Variants in ANKRD36 observed in about 807,000 individuals in gnomAD.
The protein encoded by ANKRD36 is ankyrin repeat domain 36, also known as ankyrin repeat domain-containing protein 36A.
Under a neutral mutation model 278.1 loss-of-function variants are expected in ANKRD36, and 179 were observed. The ratio of observed to expected loss-of-function variants is 0.64; its 90% confidence interval spans 0.57 to 0.73. ANKRD36 has a LOEUF of 0.73. ANKRD36 is among the 30% of genes least tolerant of loss of function. The probability of loss-of-function intolerance (pLI) is 0.00; values close to 1 mark genes in which losing one functional copy is unlikely to be tolerated. For missense variants in ANKRD36, 1,159 were observed against 1,956.7 expected, an observed-to-expected ratio of 0.59 and a Z score of 7.69; for synonymous variants, 320 against 641.1, an observed-to-expected ratio of 0.50 and a Z score of 7.57.
At chr2:97,189,436 T>C in intron 34 of ANKRD36, 146 bp downstream of exon 34, 1 of 424,208 alleles carries the variant, frequency 2.4e-6, no homozygotes, top group South Asian at 1.9e-5. Flanking sequence ...TCATTTGTAA[T>C]AAATTCCTGG....
In ANKRD36 at chr2:97,204,114, T is replaced by C. The variant is rs1444361739; in HGVS notation, c.2988+18T>C. 1.3e-6 allele frequency: 2 copies of C among 1,575,054 alleles called. No homozygotes were observed. Among genetic ancestry groups the C allele is most frequent in the South Asian group, 2.3e-5 (2 of 85,372 alleles). On this transcript the variant is annotated intron_variant, in intron 49 of 75. Transcript: ENST00000420699. Reference sequence around the variant, plus strand: ...GCTTGAAGGTAATGAAACTGTCGTTTATATTGTGAACTAGTAAATGTATAG... The same window carrying C: ...GCTTGAAGGTAATGAAACTGTCGTTCATATTGTGAACTAGTAAATGTATAG...
intron 12 of ANKRD36, among the ~76,000 whole-genome samples, chr2:97,149,947 T>G (rs2045473822): frequency 6.6e-6 from 1 of 151,786 alleles, no homozygotes; most frequent in Non-Finnish European, 1.5e-5. Context: ...CATGGTATCA[T>G]GTGCCTGTAG....
chr2:97,191,279 A>G lies in ANKRD36; in HGVS notation c.2347+98A>G, dbSNP rs1172165039. On this transcript the variant is annotated intron_variant, in intron 36 of 75. Coordinates refer to ENST00000420699, the MANE Select transcript of ANKRD36 (RefSeq NM_001354587.1). Reference sequence around the variant, plus strand: ...GGCCTGGGGCTCGTCGAAGCTGCACATTATCATTCAGCTGTCCTGAGATTC... The same window carrying G: ...GGCCTGGGGCTCGTCGAAGCTGCACGTTATCATTCAGCTGTCCTGAGATTC... 14 of 1,294,766 alleles carry G rather than the reference A, an allele frequency of 1.1e-5. No individual in the cohort carries two copies. The East Asian group carries it at 1.3e-4, about 12-fold the overall frequency. The allele number at this position is 1,294,766 out of a possible 1,614,324, so 80.2% of individuals were successfully genotyped here. A position where few individuals can be genotyped will look rare whatever the true frequency, so the allele number is the denominator to read the frequency against.
Position 97,181,753 on chromosome 2 carries a change from T to C in ANKRD36, c.1797T>C (p.Asn599=), listed in dbSNP as rs1217327230. ...GTGACGAGAAAGATTCTGTTTCAAA[T>C]ATAGCCACAGAAATAAAGAAGGGAC... The part of the protein sequence containing the change: ...ATSDEKDSVS[N]IATEIKKGQQ... The change falls in exon 26 of 76, where the codon AAT becomes AAC. Residue 599 remains asparagine, a synonymous_variant. Transcript: ENST00000420699. 6.2e-7 allele frequency: 1 copy of C among 1,609,584 alleles called. No homozygotes were observed. The highest frequency in any genetic ancestry group is 1.1e-5 in the South Asian group (1 of 90,852).
intron 6 of ANKRD36, among the ~76,000 whole-genome samples, chr2:97,139,432 A>T (rs1021864273): frequency 7.9e-5 from 12 of 152,092 alleles, no homozygotes; most frequent in Non-Finnish European, 1.8e-4. Flanking sequence ...GACAGTGCAC[A>T]AAATGACTGC....
intron 20 of ANKRD36, among the ~76,000 whole-genome samples, chr2:97,166,238 T>C (rs2050616975): frequency 6.7e-6 from 1 of 150,344 alleles, no homozygotes; most frequent in African/African-American, 2.4e-5. Flanking sequence ...AACCCTCATG[T>C]AAAATAAAGC....
chr2:97,124,661 G>A lies in ANKRD36; in HGVS notation c.731+64G>A, dbSNP rs113015045. 23 of 1,492,718 alleles carry A rather than the reference G, an allele frequency of 1.5e-5. No homozygotes were observed. The South Asian group carries it at 1.9e-4, about 12-fold the overall frequency. 92.5% of individuals were successfully genotyped at this position (1,492,718 alleles called of 1,614,324 possible). On this transcript the variant is annotated intron_variant, in intron 5 of 75. Transcript: ENST00000420699. ...GAAGTTTAAAATAATTGTAACAATT[G>A]CATCTTATATATCAGGTGAGATTTC...
At position 97,113,221 on chromosome 2, in the gene ANKRD36, C is replaced by A. The variant is rs2153392372; in HGVS notation, c.-519C>A. Among the ~76,000 whole-genome samples the A allele has an allele frequency of 6.6e-6, 1 of 152,240 alleles. No individual in the cohort carries two copies. Among genetic ancestry groups the A allele is most frequent in the South Asian group, 2.1e-4 (1 of 4,802 alleles). On this transcript the variant is annotated 5_prime_UTR_variant, in exon 1 of 76. Coordinates refer to ENST00000420699, the MANE Select transcript of ANKRD36 (RefSeq NM_001354587.1). ...CTGCAGCTGTGGCAACCCCGGATCC[C>A]GTCCTCCCGCCTCGCACCCATCAGC...
intron 40 of ANKRD36, among the ~76,000 whole-genome samples, chr2:97,196,292 A>G (rs550989499): frequency 8.6e-4 from 131 of 151,868 alleles, no homozygotes; most frequent in African/African-American, 3.0e-3. Context: ...CTCTGATTTT[A>G]GATCACATTT....
At chr2:97,203,615 C>T (rs922057113) in intron 48 of ANKRD36, among the ~76,000 whole-genome samples, 1 of 151,742 alleles carries the variant, frequency 6.6e-6, no homozygotes, top group African/African-American at 2.4e-5. Context: ...TAATTGTGTG[C>T]CTTCTCAGTT....
intron 6 of ANKRD36, among the ~76,000 whole-genome samples, chr2:97,138,823 A>C (rs1296276746): frequency 2.0e-5 from 3 of 152,192 alleles, no homozygotes; most frequent in Admixed American, 6.6e-5. Flanking sequence ...TGACAAAAGG[A>C]ATGGGGAAAG....
intron 60 of ANKRD36, among the ~76,000 whole-genome samples, chr2:97,213,917 A>G (rs2065300549): frequency 6.6e-6 from 1 of 151,702 alleles, no homozygotes; most frequent in South Asian, 2.1e-4. Context: ...CATGTTTTCA[A>G]TAAGGGTAGA....
chr2:97,220,020 A>ATTAAGGC (rs1191001482), intron 66 of ANKRD36, among the ~76,000 whole-genome samples: 1 of 138,234 alleles, frequency 7.2e-6, no homozygotes, highest in African/African-American at 3.0e-5. Flanking sequence ...CACTTATTAT[A>ATTAAGGC]TTAAGCCAAT....
At chr2:97,159,923 A>G (rs1374699370) in intron 17 of ANKRD36, among the ~76,000 whole-genome samples, 44 of 151,042 alleles carry the variant, frequency 2.9e-4, no homozygotes, top group African/African-American at 1.0e-3. Flanking sequence ...CTGGGACTAT[A>G]GGCGCCCGCC....
chr2:97,211,770 G>A (rs1334010139), intron 58 of ANKRD36, 29 bp downstream of exon 58: 3 of 1,552,030 alleles, frequency 1.9e-6, no homozygotes, highest in East Asian at 4.9e-5. Context: ...TTAATATGAT[G>A]TTCGGTCAGG....
Position 97,164,410 on chromosome 2 carries a change from A to G in ANKRD36, c.1472A>G (p.Asp491Gly), listed in dbSNP as rs1200836349. 1 of 1,537,614 alleles carries G rather than the reference A, an allele frequency of 6.5e-7. No individual in the cohort carries two copies. The highest frequency in any genetic ancestry group is 1.4e-5 in the African/African-American group (1 of 73,198). ...AAACCCATTCAGCATACGGTGAAAG[A>G]CAGAGATCACATTTCAACTAGATTC... is the stretch of plus-strand genomic sequence containing the variant. ...QPPLFTHTVK[D>G]RDHISTRFLG... Residue 491 changes from aspartate (D) to glycine (G), a missense_variant, in exon 20 of 76, where the codon GAC becomes GGC. Coordinates refer to ENST00000420699, the MANE Select transcript of ANKRD36 (RefSeq NM_001354587.1).
At chr2:97,212,245 T>G (rs2064862568) in intron 58 of ANKRD36, among the ~76,000 whole-genome samples, 2 of 151,894 alleles carry the variant, frequency 1.3e-5, no homozygotes, top group South Asian at 4.2e-4. Flanking sequence ...TTTATGTAAT[T>G]TGGGATTTCT....
chr2:97,160,278 T>C (rs1460502436), intron 17 of ANKRD36, among the ~76,000 whole-genome samples: 1 of 151,032 alleles, frequency 6.6e-6, no homozygotes, highest in Non-Finnish European at 1.5e-5. Flanking sequence ...GATTGTTTTC[T>C]AAACAAAGTA....
chr2:97,229,854 A>C (rs1281028634), intron 67 of ANKRD36, among the ~76,000 whole-genome samples: 1 of 151,980 alleles, frequency 6.6e-6, no homozygotes, highest in Admixed American at 6.6e-5. Flanking sequence ...ATCTCTCATC[A>C]TTTGCTTGTC....
Sources: allele counts gnomAD v4.1 joint callset (sites outside exome capture counted in the v4.1 genomes callset), GRCh38; gene constraint gnomAD v4.1.1; transcripts MANE v1.5; gene names NCBI Gene and HGNC (gene_info 2026-07-23, HGNC 2026-07-21).